The following C1GALT1 variants were observed in gnomAD, a reference collection of about 807,000 sequenced individuals.
C1GALT1 encodes core 1 synthase, glycoprotein-N-acetylgalactosamine 3-beta-galactosyltransferase 1.
A neutral mutation model predicts 31.0 loss-of-function variants in C1GALT1; 11 were observed. The ratio of observed to expected loss-of-function variants is 0.36; its 90% CI spans 0.22 to 0.59. The LOEUF is 0.59. Ranked by LOEUF, C1GALT1 falls within the 20% of genes least tolerant of loss-of-function variation. The pLI is 0.79. For synonymous variants in C1GALT1, 175 were observed against 143.6 expected (o/e 1.22, Z -1.56); for missense variants, 424 against 425.2 (o/e 1.00, Z 0.03).
intron 1 of C1GALT1, among the ~76,000 whole-genome samples, chr7:7,214,116 C>T (rs1012304672): frequency 2.6e-5 from 4 of 152,142 alleles, no homozygotes; most frequent in Non-Finnish European, 4.4e-5. Context: ...CACACCAAAG[C>T]TTTTCATAAT....
chr7:7,222,271 T>C (rs1002371585), intron 1 of C1GALT1, among the ~76,000 whole-genome samples: 4 of 152,252 alleles, frequency 2.6e-5, no homozygotes, highest in African/African-American at 9.6e-5. Context: ...CAAACTTTTA[T>C]ATTAAAGAAT....
intron 1 of C1GALT1, among the ~76,000 whole-genome samples, chr7:7,186,981 A>G (rs990182322): frequency 3.9e-5 from 6 of 152,168 alleles, no homozygotes; most frequent in African/African-American, 1.4e-4. Context: ...TTTCAGTTTT[A>G]AAAGGATCAT....
chr7:7,204,853 T>C (rs969520289), intron 1 of C1GALT1, among the ~76,000 whole-genome samples: 1 of 152,188 alleles, frequency 6.6e-6, no homozygotes, highest in African/African-American at 2.4e-5. Flanking sequence ...TTTCCTTCTT[T>C]TATTGATTTC....
intron 2 of C1GALT1, among the ~76,000 whole-genome samples, chr7:7,170,947 T>TA (rs1231519421): frequency 6.6e-6 from 1 of 152,244 alleles, no homozygotes; most frequent in Admixed American, 6.5e-5. Context: ...TTTTGATTTG[T>TA]AGCTTCATTC....
At chr7:7,211,281 AAAG>A (rs1459055657) in intron 1 of C1GALT1, among the ~76,000 whole-genome samples, 1 of 152,234 alleles carries the variant, frequency 6.6e-6, no homozygotes, top group Admixed American at 6.5e-5. Flanking sequence ...GGAATGTATT[AAAG>A]AAGAATTTGT....
chr7:7,192,942 T>A (rs1425402954), intron 1 of C1GALT1, among the ~76,000 whole-genome samples: 1 of 152,110 alleles, frequency 6.6e-6, no homozygotes, highest in Admixed American at 6.5e-5. Flanking sequence ...TGTTGAACAC[T>A]TGTATATCTT....
rs1783936674 is a variant in C1GALT1 at position 7,248,565 on chromosome 7, AT to A, written c.*4843del. The A allele has an allele frequency of 6.6e-6, 1 of 152,014 alleles. No individual in the cohort carries two copies. The highest frequency in any genetic ancestry group is 2.4e-5 in the African/African-American group (1 of 41,442). 9.4% of individuals were successfully genotyped at this position (152,014 alleles called of 1,614,324 possible). A position where few individuals can be genotyped will look rare whatever the true frequency, so the allele number is the denominator to read the frequency against. Reference sequence around the variant, plus strand: ...ATGTTTCTTGAAGTGCCTTTTGAACATTTTTAAACAGCGGATTTAAATAATG... The same window carrying A: ...ATGTTTCTTGAAGTGCCTTTTGAACATTTTAAACAGCGGATTTAAATAATG... On this transcript the variant is annotated 3_prime_UTR_variant, in exon 4 of 4. Transcript: ENST00000436587.
At chr7:7,232,237 G>C (rs535853765) in intron 1 of C1GALT1, among the ~76,000 whole-genome samples, 63 of 152,186 alleles carry the variant, frequency 4.1e-4, no homozygotes, top group South Asian at 2.7e-3. Context: ...ATTTTGTTCA[G>C]TTTTTCTGAT....
intron 1 of C1GALT1, among the ~76,000 whole-genome samples, chr7:7,225,522 G>T (rs1043752207): frequency 2.0e-5 from 3 of 152,202 alleles, no homozygotes; most frequent in African/African-American, 7.2e-5. Context: ...GAAAACTATA[G>T]AGGGTTTATT....
rs1246190563 is a variant in C1GALT1 at position 7,244,401 on chromosome 7, C to T, written c.*674C>T. On this transcript the variant is annotated 3_prime_UTR_variant, in exon 4 of 4. Coordinates refer to ENST00000436587, the MANE Select transcript of C1GALT1 (RefSeq NM_020156.5). ...CTTGATTCTAATTAGTCATCTTTTA[C>T]GCAATCTCTGTTGTCTCTTTTCTAA... The T allele has an allele frequency of 1.3e-5, 2 of 152,136 alleles. No individual in the cohort carries two copies. The highest frequency in any genetic ancestry group is 2.9e-5 in the Non-Finnish European group (2 of 67,992). The allele number at this position is 152,136 out of a possible 1,614,324, so 9.4% of individuals were successfully genotyped here. A position where few individuals can be genotyped will look rare whatever the true frequency, so the allele number is the denominator to read the frequency against.
chr7:7,234,691 A>G (rs185105101), intron 2 of C1GALT1, 152 bp downstream of exon 2: 6 of 591,722 alleles, frequency 1.0e-5, no homozygotes, highest in Non-Finnish European at 1.7e-5. Context: ...AATTGCTAAA[A>G]CTCAGATTTA....
At chr7:7,232,562 G>A (rs139285602) in intron 1 of C1GALT1, among the ~76,000 whole-genome samples, 7 of 150,260 alleles carry the variant, frequency 4.7e-5, no homozygotes, top group South Asian at 2.1e-4. Flanking sequence ...GCATGATCTC[G>A]GTCCTGCAGT....
intron 1 of C1GALT1, among the ~76,000 whole-genome samples, chr7:7,226,900 GGT>G (rs1782788002): frequency 6.6e-6 from 1 of 152,058 alleles, no homozygotes; most frequent in African/African-American, 2.4e-5. Flanking sequence ...AACAAAAATT[GGT>G]TGTGGCAGAG....
intron 1 of C1GALT1, among the ~76,000 whole-genome samples, chr7:7,205,216 G>T (rs1045018894): frequency 2.0e-5 from 3 of 151,954 alleles, no homozygotes; most frequent in African/African-American, 7.3e-5. Context: ...TGTTTATATA[G>T]CTGACCCCTG....
At chr7:7,204,126 T>G (rs1441027003) in intron 1 of C1GALT1, among the ~76,000 whole-genome samples, 6 of 151,450 alleles carry the variant, frequency 4.0e-5, no homozygotes, top group South Asian at 2.1e-4. Flanking sequence ...TTTGTTTTTT[T>G]TTTTGGAAAA....
In C1GALT1 at chr7:7,238,431, G is replaced by A. The variant is rs2128251057; in HGVS notation, c.397G>A (p.Gly133Arg). ...AGAAAATAAAGACTTCCCTGCTGTG[G>A]GACTGAAAACCAAAGAAGGCAGAGA... Reference protein sequence around the residue: ...SEENKDFPAVGLKTKEGRDQL... With the variant: ...SEENKDFPAVRLKTKEGRDQL... Residue 133 changes from glycine (G) to arginine (R), a missense_variant, in exon 3 of 4, where the codon GGA (glycine) becomes AGA (arginine). Coordinates refer to ENST00000436587, the MANE Select transcript of C1GALT1 (RefSeq NM_020156.5). This position sits in a 1 kb window ranked among gnomAD's most constrained non-coding sequence, Gnocchi z 5.2. 6.2e-7 allele frequency: 1 copy of A among 1,613,804 alleles called. No homozygotes were observed. The highest frequency in any genetic ancestry group is 8.5e-7 in the Non-Finnish European group (1 of 1,179,932).
At chr7:7,205,223 C>G (rs1366928549) in intron 1 of C1GALT1, among the ~76,000 whole-genome samples, 1 of 151,966 alleles carries the variant, frequency 6.6e-6, no homozygotes, top group Admixed American at 6.6e-5. Flanking sequence ...ATAGCTGACC[C>G]CTGAACAACA....
chr7:7,205,595 T>C (rs1781707096), intron 1 of C1GALT1, among the ~76,000 whole-genome samples: 1 of 152,208 alleles, frequency 6.6e-6, no homozygotes, highest in Non-Finnish European at 1.5e-5. Flanking sequence ...TTCAGACCCA[T>C]GTTGTTCAAG....
chr7:7,242,573 G>C (rs1389206931), intron 3 of C1GALT1, among the ~76,000 whole-genome samples: 11 of 152,086 alleles, frequency 7.2e-5, no homozygotes, highest in African/African-American at 2.7e-4. Context: ...AAAGATGTCA[G>C]ATGGAGCCTG....
Sources: gnomAD v4.1 joint callset for allele counts (sites outside exome capture counted in the v4.1 genomes callset) on GRCh38, gnomAD v4.1.1 for gene constraint, Gnocchi (gnomAD v3.1) non-coding constraint, MANE v1.5 for transcripts, NCBI Gene and HGNC (gene_info 2026-07-23, HGNC 2026-07-21) for gene names.